The following CDC42BPB variants were observed in gnomAD, a reference collection of about 807,000 sequenced individuals.
CDC42BPB encodes serine/threonine-protein kinase MRCK beta.
In CDC42BPB, 37 loss-of-function variants were observed where a neutral mutation model predicts 214.9. The observed-to-expected ratio is 0.17, with a 90% confidence interval of 0.13 to 0.23. The LOEUF (loss-of-function observed/expected upper bound fraction) is 0.23. Among genes scored for constraint, CDC42BPB ranks in the 10% least tolerant of loss-of-function variants. The pLI is 1.00. For synonymous variants in CDC42BPB, 931 were observed against 884.0 expected, an observed-to-expected ratio of 1.05 and a Z score of -0.94; for missense variants, 1,694 against 2,227.0, an observed-to-expected ratio of 0.76 and a Z score of 4.82.
At chr14:102,976,216 G>A (rs1490889251) in intron 9 of CDC42BPB, 167 bp from the exon 10 acceptor site, 16 of 985,224 alleles carry the variant, frequency 1.6e-5, no homozygotes, top group Non-Finnish European at 1.9e-5. Flanking sequence ...GTGACCAGAT[G>A]GTCAAGGAGA....
intron 1 of CDC42BPB, among the ~76,000 whole-genome samples, chr14:103,013,641 C>G (rs997033653): frequency 2.6e-5 from 4 of 152,306 alleles, no homozygotes; most frequent in African/African-American, 7.2e-5. Context: ...CAGACTCAGA[C>G]AGAGGTAAAA....
chr14:103,053,025 T>C lies in CDC42BPB; in HGVS notation c.175+3974A>G, dbSNP rs533638357. Among the ~76,000 whole-genome samples, 12 of 152,314 alleles carry C rather than the reference T, an allele frequency of 7.9e-5. 1 individual carries two copies. The highest frequency in any genetic ancestry group is 2.4e-4 in the African/African-American group (10 of 41,580). On this transcript the variant is annotated intron_variant, in intron 1 of 36. Transcript: ENST00000361246. ...GTTTCATATGTTCTGCTTCAAATGG[T>C]ATCAAGATATTTTCAAAATAGCTTA...
chr14:102,950,599 C>T lies in CDC42BPB; in HGVS notation c.3176G>A (p.Cys1059Tyr). The change falls in exon 25 of 37, where the codon TGT becomes TAT. Residue 1059 changes from cysteine to tyrosine, a missense_variant. Cys to Tyr is a radical substitution (Grantham distance 194). This residue lies in a region of CDC42BPB where 567 missense variants were observed against 790.3 expected (regional missense o/e 0.72). Transcript: ENST00000361246. Reference protein sequence around the residue: ...LIRQGYACEVCSFACHVSCKD... With the variant: ...LIRQGYACEVYSFACHVSCKD... ...GCAGGACACGTGGCAAGCAAAGGAA[C>T]ACACTGGAAGAGAGCAAGAACACTG... is the stretch of plus-strand genomic sequence containing the variant. The T allele has an allele frequency of 6.3e-7, 1 of 1,588,484 alleles. No homozygotes were observed. Among genetic ancestry groups the T allele is most frequent in the Non-Finnish European group, 8.6e-7 (1 of 1,166,508 alleles).
intron 1 of CDC42BPB, among the ~76,000 whole-genome samples, chr14:103,049,362 G>C (rs1197678059): frequency 1.3e-5 from 2 of 152,358 alleles, no homozygotes; most frequent in Non-Finnish European, 2.9e-5. Context: ...CACAGCCCCG[G>C]AGGCCTCTTG....
Position 102,944,538 on chromosome 14 carries a change from C to T in CDC42BPB, c.3812-51G>A, listed in dbSNP as rs878935420. The T allele has an allele frequency of 6.4e-6, 10 of 1,571,266 alleles. No individual in the cohort carries two copies. The highest frequency in any genetic ancestry group is 1.8e-4 in the Middle Eastern group (1 of 5,630). On this transcript the variant is annotated intron_variant, in intron 29 of 36. Transcript: ENST00000361246. This position sits in a 1 kb window ranked among gnomAD's most constrained non-coding sequence, Gnocchi z 6.6. The stretch of plus-strand genomic sequence containing the variant: ...AGGCCGACGGGACAGCCAGCAGCTC[C>T]CAGGGGCTGACGGCCTTGGCTAAAG...
At chr14:102,977,249 G>A (rs1391710774) in intron 9 of CDC42BPB, among the ~76,000 whole-genome samples, 2 of 146,918 alleles carry the variant, frequency 1.4e-5, no homozygotes, top group East Asian at 2.0e-4. Flanking sequence ...TGCGGCAGGG[G>A]AATCGCTTGA....
chr14:103,047,908 A>G (rs1888384772), intron 1 of CDC42BPB, among the ~76,000 whole-genome samples: 1 of 151,998 alleles, frequency 6.6e-6, no homozygotes, highest in Non-Finnish European at 1.5e-5. Context: ...GTGTCCAAAA[A>G]AAAAAGCATT....
chr14:103,017,393 G>A (rs1459770712), intron 1 of CDC42BPB, among the ~76,000 whole-genome samples: 4 of 152,040 alleles, frequency 2.6e-5, no homozygotes, highest in Non-Finnish European at 5.9e-5. Context: ...AAAATCTGAT[G>A]AAAAATGGGA....
chr14:103,010,540 C>T (rs929287369), intron 2 of CDC42BPB, among the ~76,000 whole-genome samples: 4 of 152,206 alleles, frequency 2.6e-5, no homozygotes, highest in African/African-American at 9.7e-5. Context: ...AAAATGCACG[C>T]CCTGCACAGC....
At position 102,979,752 on chromosome 14, in the gene CDC42BPB, A is replaced by G. The variant is rs1014580628; in HGVS notation, c.1140+1021T>C. ...ACCTCAGCTTGTCTATCCCCAAACG[A>G]AGTCACACATGTATGGGTTTGATGA... On this transcript the variant is annotated intron_variant, in intron 8 of 36. Transcript: ENST00000361246. Among the ~76,000 whole-genome samples the G allele has an allele frequency of 2.0e-5, 3 of 152,298 alleles. No individual in the cohort carries two copies. In the East Asian group the frequency reaches 5.8e-4, roughly 29 times the overall value.
chr14:102,958,982 A>G (rs1279225421), intron 21 of CDC42BPB, among the ~76,000 whole-genome samples: 1 of 8,548 alleles, frequency 1.2e-4, no homozygotes, highest in African/African-American at 1.7e-3. Flanking sequence ...CCAGTGTGAG[A>G]ATTTGTATTA....
At chr14:102,994,460 G>A (rs1298570202) in intron 5 of CDC42BPB, among the ~76,000 whole-genome samples, 1 of 152,140 alleles carries the variant, frequency 6.6e-6, no homozygotes, top group African/African-American at 2.4e-5. Flanking sequence ...GCTGACCTAT[G>A]GCTCCCAACC....
rs1390650740 is a variant in CDC42BPB, at chr14:102,977,335, T to C, written c.1220+791A>G. Among the ~76,000 whole-genome samples, 2 of 73,302 alleles carry C rather than the reference T, an allele frequency of 2.7e-5. 1 individual carries two copies. The highest frequency in any genetic ancestry group is 5.3e-5 in the Non-Finnish European group (2 of 37,972). The allele number at this position is 73,302 out of a possible 152,430, so 48.1% of individuals were successfully genotyped here. A position where few individuals can be genotyped will look rare whatever the true frequency, so the allele number is the denominator to read the frequency against. ...GCCTGGGCGACAGAGCGAGACTCCG[T>C]CTCCAAAAAAAAAAAAAAAAAAAAA... On this transcript the variant is annotated intron_variant, in intron 9 of 36. Transcript: ENST00000361246.
chr14:103,012,270 TAA>T (rs1325505825), intron 1 of CDC42BPB, 82 bp from the exon 2 acceptor site: 4 of 1,481,588 alleles, frequency 2.7e-6, no homozygotes, highest in African/African-American at 1.4e-5. Flanking sequence ...GGTGTTGCAC[TAA>T]GTTATACTTT....
At chr14:102,956,659 A>G (rs991653462) in intron 21 of CDC42BPB, among the ~76,000 whole-genome samples, 1 of 152,044 alleles carries the variant, frequency 6.6e-6, no homozygotes, top group African/African-American at 2.4e-5. Context: ...GCAAGAATCC[A>G]TCTCTACAAA....
intron 4 of CDC42BPB, 177 bp from the exon 5 acceptor site, chr14:102,999,890 C>T (rs538838746): frequency 1.8e-5 from 18 of 985,444 alleles, no homozygotes; most frequent in South Asian, 1.4e-4. Flanking sequence ...GATGCGTCCA[C>T]GACGCCGCCA....
intron 25 of CDC42BPB, 22 bp downstream of exon 25, chr14:102,950,443 AG>A: frequency 1.2e-6 from 2 of 1,611,804 alleles, no homozygotes; most frequent in Non-Finnish European, 1.7e-6. Flanking sequence ...CCGAGGGCTG[AG>A]GGCGGAGATG....
chr14:102,975,838 G>C (rs1466189953), intron 10 of CDC42BPB, 35 bp from the exon 11 acceptor site: 15 of 1,613,762 alleles, frequency 9.3e-6, no homozygotes, highest in Non-Finnish European at 1.2e-5. Flanking sequence ...GGTGCAGCCT[G>C]GCCGCAGCGC....
chr14:103,032,933 T>A (rs111994440), intron 1 of CDC42BPB, among the ~76,000 whole-genome samples: 9,916 of 141,340 alleles, frequency 0.07, 453 homozygotes, highest in East Asian at 0.2. Context: ...CCACTTTTTT[T>A]AAAAAAAAAA....
Sources: gnomAD v4.1 joint callset for allele counts (sites outside exome capture counted in the v4.1 genomes callset) on GRCh38, gnomAD v4.1.1 for gene constraint, gnomAD v4.1.1 regional missense constraint, Gnocchi (gnomAD v3.1) non-coding constraint, MANE v1.5 for transcripts, NCBI Gene and HGNC (gene_info 2026-07-23, HGNC 2026-07-21) for gene names.